RIN2: variants seen among roughly 807,000 people sequenced by gnomAD.
RIN2 encodes the protein RAB5 interacting protein 2.
A neutral mutation model predicts 78.0 loss-of-function variants in RIN2; 36 were observed. That is an observed-to-expected ratio of 0.46 (90% CI 0.35 to 0.61). The LOEUF is 0.61. RIN2 is among the 20% of genes least tolerant of loss of function. The pLI is 0.00. For missense variants in RIN2, 1,087 were observed against 1,159.7 expected, an observed-to-expected ratio of 0.94 and a Z score of 0.91; for synonymous variants, 466 against 466.8, an observed-to-expected ratio of 1.00 and a Z score of 0.02.
At chr20:19,807,885 C>T (rs2035456845) in intron 2 of RIN2, among the ~76,000 whole-genome samples, 1 of 152,104 alleles carries the variant, frequency 6.6e-6, no homozygotes, top group East Asian at 1.9e-4. Flanking sequence ...GAATTTGCAG[C>T]CTTAAATTTA....
intron 1 of RIN2, among the ~76,000 whole-genome samples, chr20:19,765,918 A>G (rs994061758): frequency 6.6e-6 from 1 of 152,094 alleles, no homozygotes; most frequent in East Asian, 1.9e-4. Context: ...AAAGGAGGCT[A>G]CAGAGGGAGG....
At chr20:19,896,274 C>T (rs942900051) in intron 3 of RIN2, among the ~76,000 whole-genome samples, 16 of 152,060 alleles carry the variant, frequency 1.1e-4, no homozygotes, top group Non-Finnish European at 1.6e-4. Flanking sequence ...CGGCAGCCTC[C>T]GGCTCCCAGG....
At chr20:19,879,621 G>A (rs903007535) in intron 2 of RIN2, among the ~76,000 whole-genome samples, 4 of 152,168 alleles carry the variant, frequency 2.6e-5, no homozygotes, top group Admixed American at 6.5e-5. Context: ...CAAACACACA[G>A]CGTGGTCAAT....
intron 9 of RIN2, among the ~76,000 whole-genome samples, chr20:19,976,102 C>T (rs1038482394): frequency 1.3e-5 from 2 of 152,158 alleles, no homozygotes; most frequent in African/African-American, 4.8e-5. Context: ...TTTCTGGACG[C>T]GTGCTTCTCT....
At position 19,996,749 on chromosome 20, in the gene RIN2, G is replaced by A. The variant is rs367964989; in HGVS notation, c.2271G>A (p.Ala757=). 2.2e-5 allele frequency: 36 copies of A among 1,613,634 alleles called. No individual in the cohort carries two copies. The highest frequency in any genetic ancestry group is 6.7e-5 in the East Asian group (3 of 44,868). ...AGAATTTCCAAGAAGAACAAGCAGC[G>A]CGACTGCTCAGCTCAGAAACCAGAG... ...LIKNFQEEQA[A]RLLSSETRDT... The change falls in exon 12 of 13, where the codon GCG becomes GCA. Residue 757 remains alanine (A), a synonymous_variant. Coordinates refer to ENST00000255006, the MANE Select transcript of RIN2 (RefSeq NM_018993.4).
chr20:19,893,644 G>A (rs550783810), intron 3 of RIN2, among the ~76,000 whole-genome samples: 27 of 152,256 alleles, frequency 1.8e-4, no homozygotes, highest in African/African-American at 6.3e-4. Flanking sequence ...ATGCCCTGTG[G>A]TTACTGTGGA....
At chr20:19,956,880 G>A (rs921229345) in intron 5 of RIN2, 73 bp downstream of exon 5, 29 of 1,310,476 alleles carry the variant, frequency 2.2e-5, no homozygotes, top group Non-Finnish European at 3.0e-5. Flanking sequence ...AACACTTGGA[G>A]TTAGTTCCAG....
rs535994976 is a variant in RIN2 at position 19,889,629 on chromosome 20, G to A, written c.28G>A (p.Gly10Ser). 1.6e-5 allele frequency: 25 copies of A among 1,545,226 alleles called. No homozygotes were observed. In the East Asian group the frequency reaches 2.7e-4, roughly 17 times the overall value. Residue 10 changes from glycine (G) to serine (S), a missense_variant, in exon 3 of 13, where the codon GGT (glycine) becomes AGT (serine). Coordinates refer to ENST00000255006, the MANE Select transcript of RIN2 (RefSeq NM_018993.4). MTAWTMGAR[G>S]LDKRGSFFKL... ...GACAGCTTGGACCATGGGCGCCCGC[G>A]GTCTGGACAAGCGAGGAAGTTTCTT... is the stretch of plus-strand genomic sequence containing the variant.
At chr20:19,834,377 T>C (rs2036340606) in intron 2 of RIN2, among the ~76,000 whole-genome samples, 1 of 152,184 alleles carries the variant, frequency 6.6e-6, no homozygotes, top group African/African-American at 2.4e-5. Flanking sequence ...CCCATGTTTA[T>C]GGGGCACTTG....
intron 2 of RIN2, among the ~76,000 whole-genome samples, chr20:19,815,127 C>T (rs2035723421): frequency 6.6e-6 from 1 of 152,146 alleles, no homozygotes; most frequent in South Asian, 2.1e-4. Context: ...GTCCTAATAA[C>T]TCTGAGGTTT....
chr20:19,763,867 T>C lies in RIN2; in HGVS notation c.-163+5540T>C, dbSNP rs2033755209. Among the ~76,000 whole-genome samples the C allele has an allele frequency of 2.6e-5, 4 of 152,312 alleles. No individual in the cohort carries two copies. The South Asian group carries it at 6.2e-4, about 24-fold the overall frequency. ...TGATTTAAAAGACGTTGCTGGACTT[T>C]ATAGTATCCAAATGAGAAACGGATT... On this transcript the variant is annotated intron_variant, in intron 1 of 12. Transcript: ENST00000255006.
intron 2 of RIN2, chr20:19,886,894 T>C: frequency 1.6e-6 from 1 of 612,804 alleles, no homozygotes; most frequent in Non-Finnish European, 2.9e-6. Context: ...AAGTTATCGT[T>C]TTAAATGGTA....
intron 2 of RIN2, among the ~76,000 whole-genome samples, chr20:19,820,252 T>G (rs1226164851): frequency 6.6e-6 from 1 of 152,154 alleles, no homozygotes. Context: ...ATTTGAAAGG[T>G]GAAACCAGAA....
At chr20:19,993,558 C>G (rs980676637) in intron 11 of RIN2, among the ~76,000 whole-genome samples, 2 of 152,102 alleles carry the variant, frequency 1.3e-5, no homozygotes, top group Admixed American at 1.3e-4. Flanking sequence ...TATCTCTCCT[C>G]CCGTACCCGA....
chr20:19,813,326 T>C (rs899603987), intron 2 of RIN2, among the ~76,000 whole-genome samples: 5 of 152,248 alleles, frequency 3.3e-5, no homozygotes, highest in African/African-American at 1.2e-4. Flanking sequence ...ATTTGCCATA[T>C]CATGACTTTA....
intron 2 of RIN2, among the ~76,000 whole-genome samples, chr20:19,850,833 G>A (rs938616801): frequency 1.3e-5 from 2 of 152,098 alleles, no homozygotes; most frequent in Admixed American, 1.3e-4. Flanking sequence ...AATTAGCCTG[G>A]CATGTTGGCA....
At chr20:19,899,584 T>A (rs2038891023) in intron 3 of RIN2, among the ~76,000 whole-genome samples, 1 of 152,124 alleles carries the variant, frequency 6.6e-6, no homozygotes, top group Non-Finnish European at 1.5e-5. Flanking sequence ...CTATGAGATT[T>A]GGGAGGAGTT....
chr20:19,897,671 G>T (rs1208968646), intron 3 of RIN2, among the ~76,000 whole-genome samples: 8 of 151,736 alleles, frequency 5.3e-5, no homozygotes, highest in Non-Finnish European at 5.9e-5. Flanking sequence ...TCCATCTGAA[G>T]AGGTCATAAG....
intron 1 of RIN2, among the ~76,000 whole-genome samples, chr20:19,764,022 T>A (rs1283882204): frequency 6.6e-6 from 1 of 152,172 alleles, no homozygotes; most frequent in Non-Finnish European, 1.5e-5. Context: ...AAAATTTGAG[T>A]CATTTCAAAA....
Sources: gnomAD v4.1 joint callset for allele counts (sites outside exome capture counted in the v4.1 genomes callset) on GRCh38, gnomAD v4.1.1 for gene constraint, MANE v1.5 for transcripts, NCBI Gene and HGNC (gene_info 2026-07-23, HGNC 2026-07-21) for gene names.